The following MYO3A variants were observed in gnomAD, a reference collection of about 807,000 sequenced individuals.
MYO3A encodes the protein myosin-IIIa.
A neutral mutation model predicts 192.7 loss-of-function variants in MYO3A; 180 were observed. The observed-to-expected ratio is 0.93, with a 90% CI of 0.83 to 1.06. The LOEUF is 1.06. Ranked by LOEUF, MYO3A falls within the 50% of genes least tolerant of loss-of-function variation. MYO3A has a pLI of 0.00. For missense variants in MYO3A, 1,896 were observed against 1,905.0 expected (o/e 1.00, Z 0.09); for synonymous variants, 628 against 645.3 (o/e 0.97, Z 0.41).
intron 10 of MYO3A, among the ~76,000 whole-genome samples, chr10:26,058,687 G>T (rs1053067935): frequency 6.6e-6 from 1 of 152,142 alleles, no homozygotes; most frequent in Non-Finnish European, 1.5e-5. Flanking sequence ...GCCTATTCTG[G>T]ATCTTTTGAC....
In MYO3A at chr10:26,193,329, A is replaced by C; in HGVS notation, c.4545+18A>C. ...TACTTCATGTAAGTGGCTCACTCTT[A>C]CTATCAGATGGGAGCCATCACATCT... On this transcript the variant is annotated intron_variant, in intron 32 of 34. Coordinates refer to ENST00000642920, the MANE Select transcript of MYO3A (RefSeq NM_017433.5). 6.4e-7 allele frequency: 1 copy of C among 1,568,144 alleles called. No homozygotes were observed. The highest frequency in any genetic ancestry group is 1.1e-5 in the South Asian group (1 of 89,796).
chr10:26,198,948 C>T (rs1166331040), intron 32 of MYO3A, among the ~76,000 whole-genome samples: 3 of 152,076 alleles, frequency 2.0e-5, no homozygotes, highest in Admixed American at 6.5e-5. Flanking sequence ...TGTACATCTT[C>T]GCAAAAAAGT....
chr10:26,203,824 G>A (rs1428663143), intron 34 of MYO3A, among the ~76,000 whole-genome samples: 3 of 152,192 alleles, frequency 2.0e-5, no homozygotes, highest in Non-Finnish European at 4.4e-5. Flanking sequence ...ATTTTACAGA[G>A]TGACATGGTG....
intron 28 of MYO3A, 35 bp from the exon 29 acceptor site, chr10:26,170,381 A>T (rs1480915932): frequency 6.2e-7 from 1 of 1,607,390 alleles, no homozygotes; most frequent in Non-Finnish European, 8.5e-7. Context: ...TTATTTGTTT[A>T]TAATTAACAC....
At chr10:26,108,858 T>G (rs887677110) in intron 17 of MYO3A, among the ~76,000 whole-genome samples, 5 of 152,128 alleles carry the variant, frequency 3.3e-5, no homozygotes, top group Non-Finnish European at 7.3e-5. Context: ...CTGGGTGAGG[T>G]TGGAGAAGAA....
intron 14 of MYO3A, among the ~76,000 whole-genome samples, chr10:26,070,833 A>G (rs1390534837): frequency 7.7e-6 from 1 of 129,510 alleles, no homozygotes; most frequent in African/African-American, 2.6e-5. Flanking sequence ...AACATGAACT[A>G]TGTAGATCTA....
At chr10:26,086,891 A>G (rs1485995442) in intron 14 of MYO3A, among the ~76,000 whole-genome samples, 2 of 152,150 alleles carry the variant, frequency 1.3e-5, no homozygotes, top group Non-Finnish European at 2.9e-5. Flanking sequence ...TCAATGATAA[A>G]TTAATTGTGT....
At chr10:25,981,693 G>C (rs1414622974) in intron 4 of MYO3A, among the ~76,000 whole-genome samples, 1 of 152,190 alleles carries the variant, frequency 6.6e-6, no homozygotes, top group Admixed American at 6.5e-5. Flanking sequence ...AATGTTATTA[G>C]TCATCAGGAA....
chr10:26,132,650 C>T (rs1427664967), intron 20 of MYO3A, among the ~76,000 whole-genome samples: 1 of 147,518 alleles, frequency 6.8e-6, no homozygotes, highest in African/African-American at 2.5e-5. Context: ...GCACATCTGA[C>T]TATTAACTGA....
intron 6 of MYO3A, among the ~76,000 whole-genome samples, chr10:26,001,270 G>T (rs536468851): frequency 6.7e-6 from 1 of 149,420 alleles, no homozygotes; most frequent in South Asian, 2.1e-4. Flanking sequence ...ATCAGATAGT[G>T]GAAAGACTCA....
At chr10:26,051,155 T>A (rs1843973873) in intron 10 of MYO3A, among the ~76,000 whole-genome samples, 1 of 152,176 alleles carries the variant, frequency 6.6e-6, no homozygotes, top group Admixed American at 6.5e-5. Flanking sequence ...TCTATTTATA[T>A]ATAAGCAAAT....
chr10:26,047,500 A>T (rs56093148), intron 10 of MYO3A, among the ~76,000 whole-genome samples: 1 of 152,028 alleles, frequency 6.6e-6, no homozygotes, highest in African/African-American at 2.4e-5. Flanking sequence ...CCGGCCGGGC[A>T]CAGTGGCTCA....
intron 10 of MYO3A, 62 bp from the exon 11 acceptor site, chr10:26,066,913 A>G: frequency 1.7e-6 from 2 of 1,175,894 alleles, no homozygotes; most frequent in Admixed American, 3.4e-5. Context: ...ATATGTATCT[A>G]AAACTTTTTT....
intron 10 of MYO3A, 57 bp downstream of exon 10, chr10:26,026,589 G>A (rs1842557900): frequency 2.5e-6 from 4 of 1,590,948 alleles, no homozygotes; most frequent in Non-Finnish European, 3.4e-6. Flanking sequence ...ATTTTGAACA[G>A]TTTAACAATG....
chr10:25,958,245 T>C (rs1236803497), intron 4 of MYO3A, among the ~76,000 whole-genome samples: 1 of 152,228 alleles, frequency 6.6e-6, no homozygotes, highest in East Asian at 1.9e-4. Context: ...AAGTCTTTAA[T>C]CTATCTTGAG....
At chr10:26,083,005 CCTT>C (rs1588922601) in intron 14 of MYO3A, among the ~76,000 whole-genome samples, 1 of 152,116 alleles carries the variant, frequency 6.6e-6, no homozygotes, top group East Asian at 1.9e-4. Context: ...GTTTCTTTTT[CCTT>C]CTTCACAATT....
At chr10:26,200,984 A>C in intron 32 of MYO3A, 1 of 173,992 alleles carries the variant, frequency 5.7e-6, no homozygotes, top group Non-Finnish European at 1.2e-5. Context: ...GATCTTATGT[A>C]TAGCCTTGTT....
intron 10 of MYO3A, among the ~76,000 whole-genome samples, chr10:26,061,517 T>A (rs1251986946): frequency 6.6e-6 from 1 of 152,080 alleles, no homozygotes; most frequent in Non-Finnish European, 1.5e-5. Context: ...GTCTTGAAAA[T>A]GCTTGGTATA....
chr10:26,007,828 T>A (rs12263565), intron 6 of MYO3A, among the ~76,000 whole-genome samples: 73 of 151,244 alleles, frequency 4.8e-4, no homozygotes, highest in African/African-American at 1.7e-3. Flanking sequence ...TATAGATTCA[T>A]TGCCATCCCC....
Sources: allele counts gnomAD v4.1 joint callset (sites outside exome capture counted in the v4.1 genomes callset), GRCh38; gene constraint gnomAD v4.1.1; transcripts MANE v1.5; gene names NCBI Gene and HGNC (gene_info 2026-07-23, HGNC 2026-07-21).